The following RSF1 variants were observed in gnomAD, a reference collection of about 807,000 sequenced individuals.
RSF1 encodes remodeling and spacing factor 1.
Under a neutral mutation model 145.2 loss-of-function variants are expected in RSF1, and 13 were observed. The ratio of observed to expected loss-of-function variants is 0.09; its 90% confidence interval spans 0.06 to 0.14. The LOEUF (loss-of-function observed/expected upper bound fraction) is 0.14, where lower values mean the gene tolerates loss of function less well. Ranked by LOEUF, RSF1 falls within the 10% of genes least tolerant of loss-of-function variation. RSF1 has a pLI of 1.00. For synonymous variants in RSF1, 577 were observed against 592.6 expected, an observed-to-expected ratio of 0.97 and a Z score of 0.38; for missense variants, 1,517 against 1,718.2, an observed-to-expected ratio of 0.88 and a Z score of 2.07.
intron 2 of RSF1, among the ~76,000 whole-genome samples, chr11:77,760,833 C>T (rs999285428): frequency 6.6e-6 from 1 of 152,094 alleles, no homozygotes; most frequent in East Asian, 1.9e-4. Context: ...AGGTACTTTA[C>T]TTTCAGGGTA....
In RSF1 at chr11:77,660,468, T is replaced by A. The variant is rs1959221514; in HGVS notation, c.*6449A>T. 1 of 148,954 alleles carries A rather than the reference T, an allele frequency of 6.7e-6. No individual in the cohort carries two copies. Among genetic ancestry groups the A allele is most frequent in the South Asian group, 2.2e-4 (1 of 4,490 alleles). 9.2% of individuals were successfully genotyped at this position (148,954 alleles called of 1,614,324 possible). ...GTGACAGAGAGCACTCCAGCTTCTA[T>A]TTGACTAACAGCATGGTCCTGATTA... On this transcript the variant is annotated 3_prime_UTR_variant, in exon 16 of 16. Transcript: ENST00000308488.
chr11:77,796,153 C>T (rs1204671821), intron 1 of RSF1, among the ~76,000 whole-genome samples: 1 of 152,100 alleles, frequency 6.6e-6, no homozygotes, highest in African/African-American at 2.4e-5. Context: ...CTCCCTAACG[C>T]ATTTTATGAG....
At chr11:77,856,862 A>AT in the RSF1 span, among the ~76,000 whole-genome samples, 5 of 152,186 alleles carry the variant, frequency 3.3e-5, no homozygotes, top group Admixed American at 3.3e-4. Context: ...AATCCAAACC[A>AT]TGTCAGTATT....
chr11:77,710,681 A>C (rs1960657997), intron 5 of RSF1, among the ~76,000 whole-genome samples: 1 of 152,204 alleles, frequency 6.6e-6, no homozygotes, highest in Non-Finnish European at 1.5e-5. Context: ...TTTTATTAGC[A>C]GATGTTGATA....
At chr11:77,771,876 T>C (rs77560799) in intron 1 of RSF1, among the ~76,000 whole-genome samples, 3,104 of 152,316 alleles carry the variant, frequency 0.02, 96 homozygotes, top group African/African-American at 0.07. Context: ...GATCAGATAA[T>C]GATGGCTTGG....
intron 1 of RSF1, among the ~76,000 whole-genome samples, chr11:77,803,006 A>G (rs1590896287): frequency 6.6e-6 from 1 of 152,294 alleles, no homozygotes; most frequent in Admixed American, 6.5e-5. Context: ...ATTCAGCAAC[A>G]TATGAAAGAC....
At chr11:77,800,834 C>G (rs1948618553) in intron 1 of RSF1, among the ~76,000 whole-genome samples, 1 of 152,172 alleles carries the variant, frequency 6.6e-6, no homozygotes, top group African/African-American at 2.4e-5. Context: ...TGCACTCCAG[C>G]TTGGGCTACA....
At chr11:77,720,647 T>C (rs2135880599) in intron 5 of RSF1, among the ~76,000 whole-genome samples, 1 of 152,270 alleles carries the variant, frequency 6.6e-6, no homozygotes, top group South Asian at 2.1e-4. Context: ...ATAGTATAAA[T>C]AAAGTTTCAG....
rs184633983 is a variant in RSF1, at chr11:77,801,187, G to A, written c.187+19341C>T. 1.4e-4 allele frequency among the ~76,000 whole-genome samples: 22 copies of A among 152,228 alleles called. No individual in the cohort carries two copies. The East Asian group carries it at 4.1e-3, about 28-fold the overall frequency. On this transcript the variant is annotated intron_variant, in intron 1 of 15. Coordinates refer to ENST00000308488, the MANE Select transcript of RSF1 (RefSeq NM_016578.4). The stretch of plus-strand genomic sequence containing the variant: ...TTCCACCTGTAATCCCAGCACTTTG[G>A]GACACCAAGGTGGCTGGATCACCTG...
At chr11:77,831,812 C>T in the RSF1 span, 1 of 151,814 alleles carries the variant, frequency 6.6e-6, no homozygotes, top group African/African-American at 2.5e-5. Flanking sequence ...TCTCGTGCCT[C>T]AGTCTCCCAA....
At chr11:77,828,789 A>G in the RSF1 span, among the ~76,000 whole-genome samples, 4 of 152,362 alleles carry the variant, frequency 2.6e-5, no homozygotes, top group East Asian at 3.9e-4. Flanking sequence ...TAAGATGCCA[A>G]TACCTTTAAG....
At chr11:77,845,445 G>A in the RSF1 span, among the ~76,000 whole-genome samples, 1 of 98,328 alleles carries the variant, frequency 1.0e-5, no homozygotes, top group East Asian at 2.3e-4. Context: ...TTTTTTTGGT[G>A]GGGGGGATAG....
the RSF1 span, among the ~76,000 whole-genome samples, chr11:77,865,758 A>G: frequency 9.8e-5 from 15 of 152,348 alleles, 1 homozygote; most frequent in East Asian, 1.3e-3. Flanking sequence ...ATACTAGACC[A>G]AAAGTTTGTT....
At chr11:77,771,361 G>C (rs1182036950) in intron 1 of RSF1, among the ~76,000 whole-genome samples, 1 of 152,094 alleles carries the variant, frequency 6.6e-6, no homozygotes, top group Non-Finnish European at 1.5e-5. Flanking sequence ...GTAAAGATAA[G>C]AAACAGCCAA....
chr11:77,841,968 T>G, the RSF1 span, among the ~76,000 whole-genome samples: 1 of 152,168 alleles, frequency 6.6e-6, no homozygotes, highest in East Asian at 1.9e-4. Context: ...CTACTTGAAC[T>G]TCACTTACAA....
At chr11:77,837,891 AAAAT>A in the RSF1 span, among the ~76,000 whole-genome samples, 1 of 152,032 alleles carries the variant, frequency 6.6e-6, no homozygotes, top group Admixed American at 6.6e-5. Flanking sequence ...CCTGGCTCTA[AAAAT>A]AAATAAATAA....
chr11:77,758,278 G>C (rs1190956577), intron 2 of RSF1, among the ~76,000 whole-genome samples: 1 of 151,946 alleles, frequency 6.6e-6, no homozygotes, highest in East Asian at 1.9e-4. Context: ...AAAACCACAA[G>C]ACTTCTGAAA....
chr11:77,812,628 G>A (rs1309037861), intron 1 of RSF1, among the ~76,000 whole-genome samples: 3 of 152,178 alleles, frequency 2.0e-5, no homozygotes, highest in Admixed American at 1.3e-4. Flanking sequence ...GCTCATGCCT[G>A]TAATCCCAGC....
rs199957565 is a variant in RSF1, at chr11:77,698,669, A to G, written c.2533T>C (p.Trp845Arg). The change falls in exon 7 of 16, where the codon TGG becomes CGG. Residue 845 changes from tryptophan to arginine, a missense_variant. By Grantham distance (101) the Trp-to-Arg change is moderately radical (BLOSUM62 -3). Coordinates refer to ENST00000308488, the MANE Select transcript of RSF1 (RefSeq NM_016578.4). ...CTGCCACGTGTCCGAGAACCAGTCC[A>G]TCGAACTTTGCCTTTGGGTTTTACC... is the stretch of plus-strand genomic sequence containing the variant. The part of the protein sequence containing the change: ...SKVKPKGKVR[W>R]TGSRTRGRWK... 26 of 1,614,156 alleles carry G rather than the reference A, an allele frequency of 1.6e-5. No individual in the cohort carries two copies. The highest frequency in any genetic ancestry group is 3.3e-5 in the Admixed American group (2 of 60,018).
Sources: gnomAD v4.1 joint callset for allele counts (sites outside exome capture counted in the v4.1 genomes callset) on GRCh38, gnomAD v4.1.1 for gene constraint, MANE v1.5 for transcripts, NCBI Gene and HGNC (gene_info 2026-07-23, HGNC 2026-07-21) for gene names.